Variants in DNAH14 observed in about 807,000 individuals in gnomAD.
DNAH14 encodes the protein dynein axonemal heavy chain 14, also known as axonemal beta dynein heavy chain 14.
Under a neutral mutation model 520.9 loss-of-function variants are expected in DNAH14, and 478 were observed. That is an observed-to-expected ratio of 0.92 (90% CI 0.85 to 0.99). The LOEUF (loss-of-function observed/expected upper bound fraction) is 0.99, where lower values mean the gene tolerates loss of function less well. Ranked by LOEUF, DNAH14 falls within the 50% of genes least tolerant of loss-of-function variation. DNAH14 has a pLI of 0.00. For synonymous variants in DNAH14, 1,581 were observed against 1,757.2 expected (o/e 0.90, Z 2.51); for missense variants, 4,831 against 5,234.5 (o/e 0.92, Z 2.38).
chr1:225,184,260 G>T (rs2084398739), intron 36 of DNAH14, among the ~76,000 whole-genome samples: 2 of 152,156 alleles, frequency 1.3e-5, no homozygotes, highest in African/African-American at 4.8e-5. Flanking sequence ...CTTGATTCCT[G>T]GGATGCAAAG....
intron 66 of DNAH14, among the ~76,000 whole-genome samples, chr1:225,336,791 G>T (rs902769959): frequency 6.6e-6 from 1 of 152,128 alleles, no homozygotes; most frequent in African/African-American, 2.4e-5. Flanking sequence ...ACGTCTTTTA[G>T]CCTCAGTTCC....
At chr1:225,260,695 G>A (rs1019937453) in intron 46 of DNAH14, among the ~76,000 whole-genome samples, 7 of 152,034 alleles carry the variant, frequency 4.6e-5, no homozygotes, top group East Asian at 3.9e-4. Context: ...TGGAATTTTG[G>A]TAGAGATTGC....
chr1:225,106,520 A>G (rs1038445376), intron 23 of DNAH14, among the ~76,000 whole-genome samples: 20 of 152,210 alleles, frequency 1.3e-4, no homozygotes, highest in Non-Finnish European at 2.8e-4. Flanking sequence ...AGGTACACCA[A>G]TCAGACGTAG....
intron 44 of DNAH14, among the ~76,000 whole-genome samples, chr1:225,257,361 C>T (rs996538753): frequency 1.3e-5 from 2 of 152,136 alleles, no homozygotes; most frequent in South Asian, 2.1e-4. Flanking sequence ...CCAATACATG[C>T]GACATTTAGG....
intron 77 of DNAH14, among the ~76,000 whole-genome samples, chr1:225,370,981 A>T (rs1033753700): frequency 6.6e-6 from 1 of 152,196 alleles, no homozygotes; most frequent in Non-Finnish European, 1.5e-5. Context: ...GGGTAGGCCA[A>T]TTGCCACAAA....
chr1:225,095,015 A>G (rs1299190149), intron 21 of DNAH14, among the ~76,000 whole-genome samples: 2 of 152,154 alleles, frequency 1.3e-5, no homozygotes, highest in Admixed American at 1.3e-4. Flanking sequence ...AGGTCAAAAA[A>G]TAACAGATGC....
chr1:225,106,584 T>C (rs188033144), intron 23 of DNAH14, among the ~76,000 whole-genome samples: 170 of 152,334 alleles, frequency 1.1e-3, no homozygotes, highest in African/African-American at 4.0e-3. Flanking sequence ...CGTTTCTTTT[T>C]ATTCTTTTTT....
intron 27 of DNAH14, among the ~76,000 whole-genome samples, chr1:225,130,767 A>G (rs993855955): frequency 1.3e-5 from 2 of 151,294 alleles, no homozygotes; most frequent in Non-Finnish European, 2.9e-5. Flanking sequence ...ACATGTATAC[A>G]TATGTAACTA....
intron 1 of DNAH14, 80 bp downstream of exon 1, chr1:224,929,915 C>T (rs932078530): frequency 2.4e-5 from 14 of 574,286 alleles, no homozygotes; most frequent in African/African-American, 4.0e-5. Flanking sequence ...CGGTGTCGCA[C>T]TGGGAGGGCT....
chr1:225,247,981 T>C (rs1472685393), intron 43 of DNAH14, among the ~76,000 whole-genome samples: 1 of 152,136 alleles, frequency 6.6e-6, no homozygotes, highest in Admixed American at 6.5e-5. Flanking sequence ...ATCGCGCCAC[T>C]GCACTCCAGC....
At chr1:225,134,377 CTT>C (rs2078765187) in intron 27 of DNAH14, among the ~76,000 whole-genome samples, 2 of 152,178 alleles carry the variant, frequency 1.3e-5, no homozygotes, top group Admixed American at 6.5e-5. Flanking sequence ...ATATATAACT[CTT>C]ATTATTTTGA....
At chr1:225,143,722 A>T (rs73133595) in intron 28 of DNAH14, among the ~76,000 whole-genome samples, 1,491 of 128,580 alleles carry the variant, frequency 0.012, 21 homozygotes, top group African/African-American at 0.042. Context: ...TTTAATATTT[A>T]AAAAAAAACA....
chr1:224,980,228 C>G (rs2062162601), intron 8 of DNAH14, among the ~76,000 whole-genome samples: 1 of 152,178 alleles, frequency 6.6e-6, no homozygotes, highest in Admixed American at 6.5e-5. Flanking sequence ...GATGGCATTT[C>G]TGGACCTGCA....
chr1:225,137,970 G>A (rs997297255), intron 27 of DNAH14, among the ~76,000 whole-genome samples: 62 of 152,176 alleles, frequency 4.1e-4, no homozygotes, highest in African/African-American at 1.4e-3. Flanking sequence ...CCCCTAGTGA[G>A]GAGGAGTGAG....
rs1031827645 is a variant in DNAH14 at position 224,970,539 on chromosome 1, G to A, written c.767+1665G>A. Among the ~76,000 whole-genome samples the A allele has an allele frequency of 3.9e-5, 6 of 151,982 alleles. No individual in the cohort carries two copies. The South Asian group carries it at 6.2e-4, about 16-fold the overall frequency. ...TAAAAACTTGCTGGTTTTACCGCTCGGGGGCATGATGGAACCTGCCGACAT... is the reference window on the plus strand; with the variant it reads ...TAAAAACTTGCTGGTTTTACCGCTCAGGGGCATGATGGAACCTGCCGACAT... On this transcript the variant is annotated intron_variant, in intron 7 of 85. Coordinates refer to ENST00000682510, the MANE Select transcript of DNAH14 (RefSeq NM_001367479.1).
At position 225,387,641 on chromosome 1, in the gene DNAH14, C is replaced by T. The variant is rs1264195995; in HGVS notation, c.13078-738C>T. On this transcript the variant is annotated intron_variant, in intron 81 of 85. Transcript: ENST00000682510. ...AGAAAGCCAGGATGGAGTCTAGTCA[C>T]AGAAGCCTAGGGGAGAAAGCAGGAG... Among the ~76,000 whole-genome samples the T allele has an allele frequency of 2.0e-5, 3 of 151,912 alleles. No homozygotes were observed. The East Asian group carries it at 5.8e-4, about 30-fold the overall frequency.
chr1:225,326,143 C>T (rs1261630787), intron 64 of DNAH14, among the ~76,000 whole-genome samples: 2 of 152,138 alleles, frequency 1.3e-5, no homozygotes, highest in Non-Finnish European at 1.5e-5. Flanking sequence ...ATTTAATCCT[C>T]ATGTAATCCT....
chr1:225,256,109 TATA>T (rs1574329097), intron 44 of DNAH14, among the ~76,000 whole-genome samples: 1 of 152,326 alleles, frequency 6.6e-6, no homozygotes, highest in Admixed American at 6.5e-5. Flanking sequence ...TTGCAGAAGT[TATA>T]ATAAAATATC....
chr1:225,221,852 A>G (rs1011388764), intron 41 of DNAH14, among the ~76,000 whole-genome samples: 3 of 152,246 alleles, frequency 2.0e-5, no homozygotes, highest in African/African-American at 7.2e-5. Context: ...ATGTTGTCCT[A>G]AAACAGACCT....
Sources: allele counts gnomAD v4.1 joint callset (sites outside exome capture counted in the v4.1 genomes callset), GRCh38; gene constraint gnomAD v4.1.1; transcripts MANE v1.5; gene names NCBI Gene and HGNC (gene_info 2026-07-23, HGNC 2026-07-21).